Variants in CDC73 observed in about 807,000 individuals in gnomAD.
The protein encoded by CDC73 is parafibromin.
A neutral mutation model predicts 83.7 loss-of-function variants in CDC73; 21 were observed. That is an observed-to-expected ratio of 0.25 (90% CI 0.18 to 0.36). The LOEUF (loss-of-function observed/expected upper bound fraction) is 0.36. Among genes scored for constraint, CDC73 ranks in the 10% least tolerant of loss-of-function variants. The pLI, the probability that CDC73 is intolerant of heterozygous loss-of-function variation, is 1.00. For synonymous variants in CDC73, 224 were observed against 212.9 expected (o/e 1.05, Z -0.45); for missense variants, 342 against 653.3 (o/e 0.52, Z 5.19).
intron 10 of CDC73, among the ~76,000 whole-genome samples, chr1:193,183,256 A>G (rs538202251): frequency 8.6e-5 from 13 of 151,716 alleles, no homozygotes; most frequent in African/African-American, 3.1e-4. Context: ...ATTTGAACAA[A>G]TATCTAAGGT....
intron 15 of CDC73, among the ~76,000 whole-genome samples, chr1:193,238,714 G>A (rs926238206): frequency 3.3e-5 from 5 of 152,130 alleles, no homozygotes; most frequent in East Asian, 3.9e-4. Flanking sequence ...TTACATGTTA[G>A]CATTGTATAC....
chr1:193,146,815 T>G (rs545341703), intron 7 of CDC73, among the ~76,000 whole-genome samples: 1 of 152,332 alleles, frequency 6.6e-6, no homozygotes, highest in Admixed American at 6.5e-5. Flanking sequence ...TTGAAGAGCA[T>G]TTGTACTTGT....
At chr1:193,208,760 TC>T (rs1677229653) in intron 11 of CDC73, among the ~76,000 whole-genome samples, 1 of 152,180 alleles carries the variant, frequency 6.6e-6, no homozygotes, top group South Asian at 2.1e-4. Context: ...CTGCCATTCT[TC>T]CTTTCTTCTC....
chr1:193,243,688 AATTT>A (rs1399847745), intron 15 of CDC73, among the ~76,000 whole-genome samples: 1 of 152,140 alleles, frequency 6.6e-6, no homozygotes, highest in African/African-American at 2.4e-5. Context: ...TTAATTGACA[AATTT>A]ATTTTACACA....
intron 6 of CDC73, among the ~76,000 whole-genome samples, chr1:193,139,054 G>A (rs1270639713): frequency 2.0e-5 from 3 of 152,064 alleles, no homozygotes; most frequent in Non-Finnish European, 2.9e-5. Flanking sequence ...GATTACAGGC[G>A]TGAGCCACCG....
intron 6 of CDC73, among the ~76,000 whole-genome samples, chr1:193,139,409 G>A (rs915798401): frequency 1.3e-5 from 2 of 151,864 alleles, no homozygotes; most frequent in African/African-American, 4.8e-5. Context: ...TGGGATTACA[G>A]GTGCATGCCA....
chr1:193,139,808 G>A (rs1675873833), intron 6 of CDC73, among the ~76,000 whole-genome samples: 1 of 152,182 alleles, frequency 6.6e-6, no homozygotes, highest in African/African-American at 2.4e-5. Flanking sequence ...CCCACCCACT[G>A]AGGGAAGACC....
chr1:193,205,881 A>C (rs544246661), intron 11 of CDC73, among the ~76,000 whole-genome samples: 1 of 152,268 alleles, frequency 6.6e-6, no homozygotes, highest in East Asian at 1.9e-4. Flanking sequence ...GTATAGGAAT[A>C]TTGTGGAGGC....
At chr1:193,122,571 G>T (rs2103112032) in intron 1 of CDC73, 1 of 499,116 alleles carries the variant, frequency 2.0e-6, no homozygotes, top group Admixed American at 3.3e-5. Flanking sequence ...GGTACCGTGG[G>T]AGTTTCTGAC....
chr1:193,201,285 C>T (rs931373659), intron 10 of CDC73, among the ~76,000 whole-genome samples: 1 of 152,112 alleles, frequency 6.6e-6, no homozygotes, highest in East Asian at 1.9e-4. Flanking sequence ...GGAGATTTGA[C>T]TCATGTAATC....
rs560950425 is a variant in CDC73 at position 193,234,366 on chromosome 1, A to G, written c.1316+1212A>G. Among the ~76,000 whole-genome samples the G allele has an allele frequency of 1.8e-4, 25 of 141,560 alleles. No homozygotes were observed. In the South Asian group the frequency reaches 5.1e-3, roughly 29 times the overall value. The allele number at this position is 141,560 out of a possible 152,430, so 92.9% of individuals were successfully genotyped here. On this transcript the variant is annotated intron_variant, in intron 14 of 16. Transcript: ENST00000367435. Reference sequence around the variant, plus strand: ...AATATATATATATATATTTAAAATTATAATTCTTCTCTGGTACCTAATAGA... The same window carrying G: ...AATATATATATATATATTTAAAATTGTAATTCTTCTCTGGTACCTAATAGA...
intron 10 of CDC73, among the ~76,000 whole-genome samples, chr1:193,168,555 T>TCA (rs1676470843): frequency 4.0e-5 from 6 of 151,588 alleles, no homozygotes; most frequent in Non-Finnish European, 7.4e-5. Flanking sequence ...AGACAGAGTC[T>TCA]CTCTCTGTCA....
intron 11 of CDC73, among the ~76,000 whole-genome samples, chr1:193,206,717 A>G (rs1445979521): frequency 6.6e-6 from 1 of 152,140 alleles, no homozygotes; most frequent in Non-Finnish European, 1.5e-5. Flanking sequence ...GAAATGAGAG[A>G]CTGTCTCACC....
In CDC73 at chr1:193,250,976, A is replaced by G. The variant is rs1678034827; in HGVS notation, c.*264A>G. On this transcript the variant is annotated 3_prime_UTR_variant, in exon 17 of 17. Coordinates refer to ENST00000367435, the MANE Select transcript of CDC73 (RefSeq NM_024529.5). ...ATTGGTTAAATTAGCATTACTTAAA[A>G]TTTGTTTCTTTAGAAAATAAATGCA... 1.5e-5 allele frequency: 7 copies of G among 472,316 alleles called. No individual in the cohort carries two copies. Among genetic ancestry groups the G allele is most frequent in the Non-Finnish European group, 3.8e-6 (1 of 264,008 alleles). The allele number at this position is 472,316 out of a possible 1,614,324, so 29.3% of individuals were successfully genotyped here. A position where few individuals can be genotyped will look rare whatever the true frequency, so the allele number is the denominator to read the frequency against.
chr1:193,157,080 C>T (rs757683149), intron 10 of CDC73, among the ~76,000 whole-genome samples: 1 of 152,058 alleles, frequency 6.6e-6, no homozygotes, highest in African/African-American at 2.4e-5. Flanking sequence ...TGAATAAGAT[C>T]AGAAGTTTAT....
At chr1:193,233,653 G>C (rs1416506940) in intron 14 of CDC73, among the ~76,000 whole-genome samples, 1 of 152,108 alleles carries the variant, frequency 6.6e-6, no homozygotes, top group Non-Finnish European at 1.5e-5. Flanking sequence ...TCAGCTTGTA[G>C]AACCCAGCAA....
chr1:193,195,337 C>T (rs1676983898), intron 10 of CDC73, among the ~76,000 whole-genome samples: 1 of 152,042 alleles, frequency 6.6e-6, no homozygotes, highest in African/African-American at 2.4e-5. Context: ...ATTACAATTC[C>T]ATTCCTTTTT....
Position 193,249,720 on chromosome 1 carries a change from C to A in CDC73, c.1418-10C>A, listed in dbSNP as rs768713729. 2.5e-6 allele frequency: 4 copies of A among 1,602,034 alleles called. No homozygotes were observed. Among genetic ancestry groups the A allele is most frequent in the African/African-American group, 2.7e-5 (2 of 74,710 alleles). On this transcript the variant is annotated splice_polypyrimidine_tract_variant and intron_variant, in intron 15 of 16. Transcript: ENST00000367435. ...GTAAAAATGATAACTTCTCTCCACC[C>A]TCTCTATAGTTAAAGCCTTCCATCT... is the stretch of plus-strand genomic sequence containing the variant.
chr1:193,225,245 G>GATATATATATATAT (rs56261261), intron 13 of CDC73, among the ~76,000 whole-genome samples: 249 of 143,572 alleles, frequency 1.7e-3, no homozygotes, highest in South Asian at 3.4e-3. Context: ...AGTATTCCAT[G>GATATATATATATAT]ATATATATAT....
Sources: allele counts gnomAD v4.1 joint callset (sites outside exome capture counted in the v4.1 genomes callset), GRCh38; gene constraint gnomAD v4.1.1; transcripts MANE v1.5; gene names NCBI Gene and HGNC (gene_info 2026-07-23, HGNC 2026-07-21).